Variants in NRP1 observed in about 807,000 individuals in gnomAD.
NRP1 encodes the protein neuropilin-1.
In NRP1, 35 loss-of-function variants were observed where a neutral mutation model predicts 106.7. The observed-to-expected ratio is 0.33, with a 90% CI of 0.25 to 0.43. The LOEUF is 0.43. Among genes scored for constraint, NRP1 ranks in the 20% least tolerant of loss-of-function variants. The probability of loss-of-function intolerance (pLI) is 1.00; values close to 1 mark genes in which losing one functional copy is unlikely to be tolerated. For synonymous variants in NRP1, 437 were observed against 417.9 expected, an observed-to-expected ratio of 1.05 and a Z score of -0.56; for missense variants, 1,024 against 1,170.4, an observed-to-expected ratio of 0.87 and a Z score of 1.83.
intron 3 of NRP1, among the ~76,000 whole-genome samples, chr10:33,268,110 T>A (rs1265956198): frequency 1.3e-5 from 2 of 152,240 alleles, no homozygotes; most frequent in African/African-American, 4.8e-5. Context: ...ATTAAAGGGC[T>A]TTTGAGGGAA....
At chr10:33,302,438 G>A (rs759299875) in intron 2 of NRP1, among the ~76,000 whole-genome samples, 3 of 152,208 alleles carry the variant, frequency 2.0e-5, no homozygotes, top group Admixed American at 6.5e-5. Flanking sequence ...TTCCTCTGAG[G>A]TTGTGGGCTC....
rs576078827 is a variant in NRP1, at chr10:33,276,312, C to T, written c.249-5456G>A. On this transcript the variant is annotated intron_variant, in intron 2 of 16. Transcript: ENST00000374867. ...ATCTTGGAAGTGAATCAAAGACGGG[C>T]TTTGCTTTTTTTTTCTTCCCCCACC... is the stretch of plus-strand genomic sequence containing the variant. Among the ~76,000 whole-genome samples the T allele has an allele frequency of 2.6e-4, 39 of 152,208 alleles. No homozygotes were observed. The South Asian group carries it at 7.9e-3, about 31-fold the overall frequency.
At chr10:33,219,821 T>A (rs1056843160) in intron 8 of NRP1, among the ~76,000 whole-genome samples, 9 of 150,350 alleles carry the variant, frequency 6.0e-5, no homozygotes, top group East Asian at 2.0e-4. Context: ...TCATTTTTTT[T>A]AAATACAATG....
At chr10:33,279,148 G>A in intron 2 of NRP1, among the ~76,000 whole-genome samples, 1 of 152,192 alleles carries the variant, frequency 6.6e-6, no homozygotes, top group East Asian at 1.9e-4. Context: ...AGCAGATAGT[G>A]TACTGCTGGT....
At chr10:33,284,523 G>A (rs1844376776) in intron 2 of NRP1, among the ~76,000 whole-genome samples, 1 of 152,068 alleles carries the variant, frequency 6.6e-6, no homozygotes, top group African/African-American at 2.4e-5. Context: ...ACAGGTTCCT[G>A]AAATTGTCAT....
At chr10:33,236,559 G>T (rs1840571680) in intron 6 of NRP1, among the ~76,000 whole-genome samples, 1 of 152,164 alleles carries the variant, frequency 6.6e-6, no homozygotes, top group Non-Finnish European at 1.5e-5. Context: ...GAAACGTTTG[G>T]GTTCAGTGCT....
intron 6 of NRP1, among the ~76,000 whole-genome samples, chr10:33,245,709 A>C (rs1366872419): frequency 6.6e-6 from 1 of 152,084 alleles, no homozygotes; most frequent in African/African-American, 2.4e-5. Context: ...AAATCACTTA[A>C]CCTCTGAATT....
intron 7 of NRP1, among the ~76,000 whole-genome samples, chr10:33,222,219 T>A (rs1839302133): frequency 6.6e-6 from 1 of 152,166 alleles, no homozygotes; most frequent in Admixed American, 6.5e-5. Context: ...ACTCTCACTG[T>A]TTGACTTTCC....
intron 6 of NRP1, among the ~76,000 whole-genome samples, chr10:33,252,034 C>G (rs1031281437): frequency 6.6e-6 from 1 of 152,144 alleles, no homozygotes; most frequent in Non-Finnish European, 1.5e-5. Flanking sequence ...ACCACGCCCC[C>G]ATCCTGGGCC....
At chr10:33,291,523 T>C (rs894284485) in intron 2 of NRP1, among the ~76,000 whole-genome samples, 1 of 152,226 alleles carries the variant, frequency 6.6e-6, no homozygotes, top group African/African-American at 2.4e-5. Context: ...CAGACAACTA[T>C]GAACAACAGC....
At chr10:33,194,598 C>T (rs1470397564) in intron 12 of NRP1, 2 of 412,300 alleles carry the variant, frequency 4.9e-6, no homozygotes, top group African/African-American at 4.1e-5. Context: ...TGTCCTTCCC[C>T]ATCCTGTACA....
intron 7 of NRP1, 105 bp downstream of exon 7, chr10:33,226,029 T>C: frequency 7.8e-7 from 1 of 1,288,150 alleles, no homozygotes; most frequent in Admixed American, 2.1e-5. Context: ...TTCAAATCAA[T>C]TCAAAAATAA....
intron 6 of NRP1, among the ~76,000 whole-genome samples, chr10:33,247,826 C>T (rs540913659): frequency 1.2e-4 from 18 of 152,308 alleles, no homozygotes; most frequent in Middle Eastern, 6.8e-3. Flanking sequence ...AGGATATCCA[C>T]GTCCATTGTG....
At chr10:33,255,358 T>A (rs1174025303) in intron 5 of NRP1, among the ~76,000 whole-genome samples, 1 of 152,222 alleles carries the variant, frequency 6.6e-6, no homozygotes, top group Non-Finnish European at 1.5e-5. Flanking sequence ...AGCATATCTG[T>A]AGAATACCTC....
Position 33,237,485 on chromosome 10 carries a change from G to GCGCGCGCGCA in NRP1, c.982-11197_982-11196insTGCGCGCGCG, listed in dbSNP as rs769656147. On this transcript the variant is annotated intron_variant, in intron 6 of 16. Transcript: ENST00000374867. ...AACGGCAGAAGAAACACACATGCGC[G>GCGCGCGCGCA]CGCACACACACACACACACACACAC... Among the ~76,000 whole-genome samples, 5 of 130,158 alleles carry GCGCGCGCGCA rather than the reference G, an allele frequency of 3.8e-5. No homozygotes were observed. In the South Asian group the frequency reaches 7.1e-4, roughly 19 times the overall value. The allele number at this position is 130,158 out of a possible 152,430, so 85.4% of individuals were successfully genotyped here. A position where few individuals can be genotyped will look rare whatever the true frequency, so the allele number is the denominator to read the frequency against.
chr10:33,286,272 G>A (rs897138931), intron 2 of NRP1, among the ~76,000 whole-genome samples: 4 of 152,182 alleles, frequency 2.6e-5, no homozygotes, highest in African/African-American at 4.8e-5. Context: ...GACAGGGATG[G>A]CAAGTATGCA....
Position 33,221,735 on chromosome 10 carries a change from G to A in NRP1, c.1266C>T (p.Tyr422=), listed in dbSNP as rs2229935. The change falls in exon 8 of 17, where the codon TAC becomes TAT. Residue 422 remains tyrosine, a synonymous_variant. Transcript: ENST00000374867. ...ACAGCTTACCTGTTATCTTGCAACC[G>A]TATACTTCAAATCTCATAGATATGC... ...ETGISMRFEV[Y]GCKITDYPCS... 0.28 allele frequency: 452,046 copies of A among 1,611,294 alleles called. 67,894 individuals are homozygous for A. Among genetic ancestry groups the A allele is most frequent in the East Asian group, 0.62 (28,016 of 44,826 alleles).
At position 33,334,174 on chromosome 10, in the gene NRP1, C is replaced by T. The variant is rs954721948; in HGVS notation, c.73+136G>A. On this transcript the variant is annotated intron_variant, in intron 1 of 16. Transcript: ENST00000374867. ...CTGATCTCATTTCTTCTTCTCTCCT[C>T]CCAGATAAAAGTTTCCTTCGCCCGG... 3.1e-5 allele frequency: 23 copies of T among 741,150 alleles called. No homozygotes were observed. The African/African-American group carries it at 3.4e-4, about 11-fold the overall frequency. 45.9% of individuals were successfully genotyped at this position (741,150 alleles called of 1,614,324 possible).
rs1835512212 is a variant in NRP1 at position 33,178,816 on chromosome 10, A to G, written c.*1260T>C. The G allele has an allele frequency of 6.5e-6, 1 of 152,678 alleles. No homozygotes were observed. Among genetic ancestry groups the G allele is most frequent in the African/African-American group, 2.4e-5 (1 of 41,454 alleles). 9.5% of individuals were successfully genotyped at this position (152,678 alleles called of 1,614,324 possible). On this transcript the variant is annotated 3_prime_UTR_variant, in exon 17 of 17. Transcript: ENST00000374867. ...AATAGAATAGATAAGGAAAAAAGATACTGTCACTTTAACCAGTTAACAAGA... is the reference window on the plus strand; with the variant it reads ...AATAGAATAGATAAGGAAAAAAGATGCTGTCACTTTAACCAGTTAACAAGA...
Sources: allele counts gnomAD v4.1 joint callset (sites outside exome capture counted in the v4.1 genomes callset), GRCh38; gene constraint gnomAD v4.1.1; transcripts MANE v1.5; gene names NCBI Gene and HGNC (gene_info 2026-07-23, HGNC 2026-07-21).